RORC: variants seen among roughly 807,000 people sequenced by gnomAD.
RORC encodes RAR related orphan receptor C, also known as nuclear receptor ROR-gamma.
A neutral mutation model predicts 64.5 loss-of-function variants in RORC; 13 were observed. The observed-to-expected ratio is 0.20, with a 90% CI of 0.13 to 0.32. RORC has a LOEUF of 0.32. Ranked by LOEUF, RORC falls within the 10% of genes least tolerant of loss-of-function variation. The probability of loss-of-function intolerance (pLI) is 1.00; values close to 1 mark genes in which losing one functional copy is unlikely to be tolerated. For missense variants in RORC, 468 were observed against 669.5 expected, an observed-to-expected ratio of 0.70 and a Z score of 3.32; for synonymous variants, 277 against 259.3, an observed-to-expected ratio of 1.07 and a Z score of -0.65.
chr1:151,825,378 C>A (rs565880287), intron 2 of RORC, among the ~76,000 whole-genome samples: 5 of 152,292 alleles, frequency 3.3e-5, no homozygotes, highest in Admixed American at 2.6e-4. Context: ...GGGCAGAAAG[C>A]CTGGTGGCTT....
At chr1:151,829,295 C>A in intron 2 of RORC, 134 bp downstream of exon 2, 1 of 770,532 alleles carries the variant, frequency 1.3e-6, no homozygotes, top group Non-Finnish European at 2.1e-6. Flanking sequence ...CCTCCCCTTG[C>A]TTTCCTGTTG....
At chr1:151,831,585 C>T in intron 1 of RORC, 140 bp downstream of exon 1, 1 of 1,555,660 alleles carries the variant, frequency 6.4e-7, no homozygotes, top group Non-Finnish European at 8.7e-7. Context: ...GTTTCACTCC[C>T]TGCCAACCCA....
chr1:151,807,679 C>T lies in RORC; in HGVS notation c.1396-46G>A, dbSNP rs1172517449. The T allele has an allele frequency of 6.3e-7, 1 of 1,599,484 alleles. No homozygotes were observed. The highest frequency in any genetic ancestry group is 8.5e-7 in the Non-Finnish European group (1 of 1,169,912). On this transcript the variant is annotated intron_variant, in intron 10 of 10. Transcript: ENST00000318247. This position sits in a 1 kb window ranked among gnomAD's most constrained non-coding sequence, Gnocchi z 5.0. The stretch of plus-strand genomic sequence containing the variant: ...AAGGGAGGGTCAATACTTCAGCTCT[C>T]CTCAGAGCAAAGAAGTCCGCTCATT...
chr1:151,814,828 T>C (rs1027789524), intron 5 of RORC, 85 bp downstream of exon 5: 100 of 1,553,088 alleles, frequency 6.4e-5, no homozygotes, highest in Non-Finnish European at 8.6e-5. Context: ...CTCAATTCCC[T>C]CAGGCGCATG....
intron 2 of RORC, among the ~76,000 whole-genome samples, chr1:151,818,213 C>T (rs1483382861): frequency 6.6e-6 from 1 of 152,150 alleles, no homozygotes; most frequent in Non-Finnish European, 1.5e-5. Context: ...TTCTGTGTAC[C>T]TGTCTTTTCG....
intron 10 of RORC, 134 bp downstream of exon 10, chr1:151,811,191 G>A: frequency 1.9e-6 from 1 of 531,036 alleles, no homozygotes. Flanking sequence ...TCCCACTGCT[G>A]ATGCAAGCTC....
In RORC at chr1:151,829,475, G is replaced by C; in HGVS notation, c.41-17C>G. The C allele has an allele frequency of 6.6e-7, 1 of 1,520,080 alleles. No individual in the cohort carries two copies. The highest frequency in any genetic ancestry group is 8.8e-7 in the Non-Finnish European group (1 of 1,141,764). 94.2% of individuals were successfully genotyped at this position (1,520,080 alleles called of 1,614,324 possible). On this transcript the variant is annotated splice_polypyrimidine_tract_variant and intron_variant, in intron 1 of 10. Coordinates refer to ENST00000318247, the MANE Select transcript of RORC (RefSeq NM_005060.4). ...CCAGCAGCTCTGTAAAGACAAGAGA[G>C]GGGGTTGACGTCAAAGGTTGAAGAT...
At chr1:151,829,701 C>T (rs1652334098) in intron 1 of RORC, among the ~76,000 whole-genome samples, 1 of 152,218 alleles carries the variant, frequency 6.6e-6, no homozygotes, top group African/African-American at 2.4e-5. Flanking sequence ...CCAAGCTGCT[C>T]CTTTGCCTAG....
At chr1:151,811,859 C>T (rs1651547450) in intron 9 of RORC, 1 of 153,382 alleles carries the variant, frequency 6.5e-6, no homozygotes, top group African/African-American at 2.4e-5. Context: ...CTGTGACTAA[C>T]TTTTGCCCTG....
In RORC at chr1:151,823,493, C is replaced by T. The variant is rs189753376; in HGVS notation, c.70+5936G>A. ...CTGGTGCCATCCTTGTCAGAGCCAC[C>T]CTACTTCCCTCTTACCGCTTGCCTA... is the stretch of plus-strand genomic sequence containing the variant. On this transcript the variant is annotated intron_variant, in intron 2 of 10. Transcript: ENST00000318247. Among the ~76,000 whole-genome samples, 588 of 152,282 alleles carry T rather than the reference C, an allele frequency of 3.9e-3. 3 individuals are homozygous for T. Among genetic ancestry groups the T allele is most frequent in the South Asian group, 5.8e-3 (28 of 4,816 alleles).
Position 151,813,599 on chromosome 1 carries a change from G to A in RORC, c.955C>T (p.Arg319Trp). The change falls in exon 7 of 11, where the codon CGG (arginine) becomes TGG (tryptophan). Residue 319 changes from arginine (R) to tryptophan (W), a missense_variant. Physicochemically the swap from Arg to Trp is moderately radical, Grantham distance 101. This residue lies in a region of RORC where 100 missense variants were observed against 190.8 expected (regional missense o/e 0.52). Coordinates refer to ENST00000318247, the MANE Select transcript of RORC (RefSeq NM_005060.4). ...GCCTCGGTGAGGTGGTGGGCACACC[G>A]TTCCCACATCTCCCACATGGACTGC... ...QRKSMWEMWE[R>W]CAHHLTEAIQ... 1.2e-6 allele frequency: 2 copies of A among 1,614,136 alleles called. No individual in the cohort carries two copies. The highest frequency in any genetic ancestry group is 1.7e-6 in the Non-Finnish European group (2 of 1,179,998).
At chr1:151,831,556 T>G (rs957797207) in intron 1 of RORC, 169 bp downstream of exon 1, 2 of 707,386 alleles carry the variant, frequency 2.8e-6, no homozygotes, top group African/African-American at 3.9e-5. Context: ...CCCCAGCCCC[T>G]CCTCCTGTTT....
At chr1:151,816,261 A>G (rs1438472215) in intron 4 of RORC, among the ~76,000 whole-genome samples, 1 of 152,156 alleles carries the variant, frequency 6.6e-6, no homozygotes. Context: ...TCCTGGCTAT[A>G]GTCCTGTGTC....
intron 1 of RORC, 113 bp downstream of exon 1, chr1:151,831,612 A>C: frequency 6.3e-7 from 1 of 1,594,412 alleles, no homozygotes; most frequent in Non-Finnish European, 8.5e-7. Context: ...TCTCCTCTGC[A>C]CTCTTGTCCC....
chr1:151,809,132 T>C (rs918339230), intron 10 of RORC, among the ~76,000 whole-genome samples: 13 of 152,114 alleles, frequency 8.5e-5, no homozygotes, highest in Admixed American at 3.3e-4. Context: ...GGTGTGGTGG[T>C]TCACGCCTGT....
intron 2 of RORC, among the ~76,000 whole-genome samples, chr1:151,824,602 T>C (rs932915459): frequency 2.0e-5 from 3 of 152,222 alleles, no homozygotes; most frequent in Non-Finnish European, 4.4e-5. Flanking sequence ...TCAGTCCCTG[T>C]CACAGAAGTG....
chr1:151,831,639 T>C, intron 1 of RORC, 86 bp downstream of exon 1: 1 of 1,606,246 alleles, frequency 6.2e-7, no homozygotes, highest in Non-Finnish European at 8.5e-7. Context: ...CCCTCCTCAC[T>C]TCTTGCCCAG....
Position 151,807,335 on chromosome 1 carries a change from A to G in RORC, c.*137T>C. 6 of 800,838 alleles carry G rather than the reference A, an allele frequency of 7.5e-6. No homozygotes were observed. Among genetic ancestry groups the G allele is most frequent in the East Asian group, 2.8e-5 (1 of 35,826 alleles). 49.6% of individuals were successfully genotyped at this position (800,838 alleles called of 1,614,324 possible). On this transcript the variant is annotated 3_prime_UTR_variant, in exon 11 of 11. Transcript: ENST00000318247. This position sits in a 1 kb window ranked among gnomAD's most constrained non-coding sequence, Gnocchi z 5.0. ...GGCCTGCTGACAGAAAGCCAGCCGCAGCATCTGCTCACTTCCAAAGAGCTG... is the reference window on the plus strand; with the variant it reads ...GGCCTGCTGACAGAAAGCCAGCCGCGGCATCTGCTCACTTCCAAAGAGCTG...
In RORC at chr1:151,830,991, T is replaced by C. The variant is rs897595750; in HGVS notation, c.40+734A>G. 8.5e-6 allele frequency: 11 copies of C among 1,288,960 alleles called. No homozygotes were observed. In the Admixed American group the frequency reaches 2.3e-4, roughly 27 times the overall value. 79.8% of individuals were successfully genotyped at this position (1,288,960 alleles called of 1,614,324 possible). Reference sequence around the variant, plus strand: ...GCTTGGTGGCTCTGGCCCTCAAACTTTCCTCCTCCATGCTCACAGCTGACC... The same window carrying C: ...GCTTGGTGGCTCTGGCCCTCAAACTCTCCTCCTCCATGCTCACAGCTGACC... On this transcript the variant is annotated intron_variant, in intron 1 of 10. Transcript: ENST00000318247. The surrounding 1 kb of genome is among the most constrained non-coding windows in gnomAD (Gnocchi z 4.0).
Sources: allele counts gnomAD v4.1 joint callset (sites outside exome capture counted in the v4.1 genomes callset), GRCh38; gene constraint gnomAD v4.1.1; regional missense constraint gnomAD v4.1.1; non-coding constraint Gnocchi (gnomAD v3.1); transcripts MANE v1.5; gene names NCBI Gene and HGNC (gene_info 2026-07-23, HGNC 2026-07-21).